The following HAPLN1 variants were observed in gnomAD, a reference collection of about 807,000 sequenced individuals.
HAPLN1 encodes the protein hyaluronan and proteoglycan link protein 1.
Under a neutral mutation model 36.5 loss-of-function variants are expected in HAPLN1, and 13 were observed. The observed-to-expected ratio is 0.36, with a 90% CI of 0.23 to 0.57. The LOEUF (loss-of-function observed/expected upper bound fraction) is 0.57. Among genes scored for constraint, HAPLN1 ranks in the 20% least tolerant of loss-of-function variants. The probability of loss-of-function intolerance (pLI) is 0.83; values close to 1 mark genes in which losing one functional copy is unlikely to be tolerated. For missense variants in HAPLN1, 407 were observed against 439.7 expected (o/e 0.93, Z 0.66); for synonymous variants, 202 against 169.8 (o/e 1.19, Z -1.48).
intron 1 of HAPLN1, 26 bp from the exon 2 acceptor site, chr5:83,673,575 G>GT (rs1310149404): frequency 3.7e-6 from 5 of 1,360,818 alleles, no homozygotes; most frequent in Non-Finnish European, 5.3e-6. Flanking sequence ...ATACAAAGAG[G>GT]CTTGTGAGAT....
intron 1 of HAPLN1, among the ~76,000 whole-genome samples, chr5:83,691,476 A>T (rs1751271816): frequency 6.6e-6 from 1 of 152,034 alleles, no homozygotes; most frequent in Non-Finnish European, 1.5e-5. Context: ...TTCTTGGAGA[A>T]GGTTTAAAAT....
At chr5:83,648,284 T>A (rs1244857236) in intron 3 of HAPLN1, among the ~76,000 whole-genome samples, 1 of 139,516 alleles carries the variant, frequency 7.2e-6, no homozygotes, top group African/African-American at 2.8e-5. Context: ...GGATTTACAA[T>A]TTTTTTTTTT....
chr5:83,684,570 G>A (rs1197855118), intron 1 of HAPLN1, among the ~76,000 whole-genome samples: 3 of 152,122 alleles, frequency 2.0e-5, no homozygotes, highest in Non-Finnish European at 4.4e-5. Context: ...AGACAAACAG[G>A]AGATAGAGAA....
At chr5:83,693,637 T>A (rs569843315) in intron 1 of HAPLN1, among the ~76,000 whole-genome samples, 1 of 151,788 alleles carries the variant, frequency 6.6e-6, no homozygotes, top group African/African-American at 2.4e-5. Context: ...GATGGGAAAA[T>A]ACATAATATG....
intron 1 of HAPLN1, chr5:83,682,383 T>C (rs1394603708): frequency 2.0e-5 from 3 of 152,202 alleles, no homozygotes; most frequent in Non-Finnish European, 2.9e-5. Context: ...TAAATATGTG[T>C]CAATTCTGAT....
chr5:83,705,932 A>G (rs577826380), intron 1 of HAPLN1, among the ~76,000 whole-genome samples: 10 of 152,172 alleles, frequency 6.6e-5, no homozygotes, highest in African/African-American at 1.9e-4. Flanking sequence ...AAAAACAACC[A>G]TCAGAAACTA....
intron 2 of HAPLN1, among the ~76,000 whole-genome samples, chr5:83,661,086 A>G (rs373561279): frequency 1.7e-4 from 26 of 152,268 alleles, no homozygotes; most frequent in African/African-American, 6.3e-4. Context: ...ACTCTTGAGG[A>G]TCGCCTAATC....
At chr5:83,657,259 C>T (rs536714556) in intron 2 of HAPLN1, among the ~76,000 whole-genome samples, 4 of 151,942 alleles carry the variant, frequency 2.6e-5, no homozygotes, top group African/African-American at 9.7e-5. Context: ...CCACACCCTG[C>T]TAATTTTTTG....
At chr5:83,691,542 A>G (rs1751273753) in intron 1 of HAPLN1, among the ~76,000 whole-genome samples, 1 of 152,038 alleles carries the variant, frequency 6.6e-6, no homozygotes, top group African/African-American at 2.4e-5. Flanking sequence ...AACTTAAGAC[A>G]GCTCTAGGAC....
Position 83,683,757 on chromosome 5 carries a change from C to G in HAPLN1, c.-26-10208G>C, listed in dbSNP as rs533579897. ...ACATACACAGCTGCCAGTCATCACT[C>G]TCAGAGGTTAGTAATAACTGCACAC... On this transcript the variant is annotated intron_variant, in intron 1 of 4. Coordinates refer to ENST00000274341, the MANE Select transcript of HAPLN1 (RefSeq NM_001884.4). Among the ~76,000 whole-genome samples the G allele has an allele frequency of 2.0e-5, 3 of 152,264 alleles. No individual in the cohort carries two copies. The East Asian group carries it at 5.8e-4, about 29-fold the overall frequency.
intron 1 of HAPLN1, among the ~76,000 whole-genome samples, chr5:83,694,099 T>C (rs999978881): frequency 6.6e-6 from 1 of 151,908 alleles, no homozygotes; most frequent in Non-Finnish European, 1.5e-5. Flanking sequence ...GCAAAATATA[T>C]TCCCTAAGTA....
Position 83,637,852 on chromosome 5 carries a change from T to C in HAPLN1, c.*3644A>G, listed in dbSNP as rs1023221322. On this transcript the variant is annotated 3_prime_UTR_variant, in exon 5 of 5. Transcript: ENST00000274341. ...TAATTCAGCACTCATGATTAAGTTATAAAGCATTTAAAATGTGTTAATCTA... is the reference window on the plus strand; with the variant it reads ...TAATTCAGCACTCATGATTAAGTTACAAAGCATTTAAAATGTGTTAATCTA... The C allele has an allele frequency of 6.6e-6, 1 of 152,066 alleles. No homozygotes were observed. Among genetic ancestry groups the C allele is most frequent in the Non-Finnish European group, 1.5e-5 (1 of 67,930 alleles). The allele number at this position is 152,066 out of a possible 1,614,324, so 9.4% of individuals were successfully genotyped here.
chr5:83,668,452 C>T (rs970144480), intron 2 of HAPLN1, among the ~76,000 whole-genome samples: 4 of 152,156 alleles, frequency 2.6e-5, no homozygotes, highest in African/African-American at 7.2e-5. Flanking sequence ...CTTCTTCATT[C>T]GCGAATTGGA....
intron 3 of HAPLN1, among the ~76,000 whole-genome samples, chr5:83,651,067 A>C (rs1249851236): frequency 2.6e-5 from 4 of 152,134 alleles, no homozygotes; most frequent in Admixed American, 2.6e-4. Flanking sequence ...CTTTTTATTT[A>C]GAGTTTAATT....
intron 1 of HAPLN1, among the ~76,000 whole-genome samples, chr5:83,680,358 G>C (rs1750969584): frequency 6.6e-6 from 1 of 152,024 alleles, no homozygotes; most frequent in East Asian, 1.9e-4. Context: ...AAATATTTAG[G>C]GTATATGGGG....
At chr5:83,704,833 A>G (rs187676605) in intron 1 of HAPLN1, among the ~76,000 whole-genome samples, 1 of 152,328 alleles carries the variant, frequency 6.6e-6, no homozygotes, top group African/African-American at 2.4e-5. Context: ...CACTGACAGT[A>G]TTAGACAGAT....
In HAPLN1 at chr5:83,641,577, A is replaced by G; in HGVS notation, c.984T>C (p.Thr328=). The change falls in exon 5 of 5, where the codon ACT becomes ACC. Residue 328 remains threonine (T), a synonymous_variant. Coordinates refer to ENST00000274341, the MANE Select transcript of HAPLN1 (RefSeq NM_001884.4). ...AACCCACGAAGCGCACTGCAGCCTC[A>G]GTAGGACTGCAGCGCCTTCTTGGCC... ...ISRPRRRCSP[T]EAAVRFVGFP... 1 of 1,614,238 alleles carries G rather than the reference A, an allele frequency of 6.2e-7. No individual in the cohort carries two copies. The highest frequency in any genetic ancestry group is 1.1e-5 in the South Asian group (1 of 91,086).
chr5:83,661,208 A>ATATCTATATCTATATCTATATC (rs756067086), intron 2 of HAPLN1, among the ~76,000 whole-genome samples: 3,247 of 151,992 alleles, frequency 0.021, 46 homozygotes, highest in Non-Finnish European at 0.033. Context: ...ATCTATATCT[A>ATATCTATATCTATATCTATATC]TATCTATATC....
intron 2 of HAPLN1, among the ~76,000 whole-genome samples, chr5:83,654,821 C>A (rs924479985): frequency 4.0e-4 from 61 of 152,172 alleles, no homozygotes; most frequent in African/African-American, 1.4e-3. Context: ...ACCTCACTTC[C>A]TCAATTTACT....
Sources: gnomAD v4.1 joint callset for allele counts (sites outside exome capture counted in the v4.1 genomes callset) on GRCh38, gnomAD v4.1.1 for gene constraint, MANE v1.5 for transcripts, NCBI Gene and HGNC (gene_info 2026-07-23, HGNC 2026-07-21) for gene names.